Variants in FGA observed in about 807,000 individuals in gnomAD.
The protein encoded by FGA is fibrinogen alpha chain, also known as fibrinogen, A alpha polypeptide.
FGA carries 20 observed loss-of-function variants against 20.3 expected under a neutral mutation model. That is an observed-to-expected ratio of 0.99 (90% CI 0.69 to 1.43). The LOEUF is 1.43. Among genes scored for constraint, FGA ranks in the 40% most tolerant of loss-of-function variants. The pLI, the probability that FGA is intolerant of heterozygous loss-of-function variation, is 0.00. For synonymous variants in FGA, 306 were observed against 281.6 expected (o/e 1.09, Z -0.87); for missense variants, 777 against 784.7 (o/e 0.99, Z 0.12).
intron 1 of FGA, 31 bp from the exon 2 acceptor site, chr4:154,589,593 G>C (rs772066082): frequency 1.2e-6 from 2 of 1,609,136 alleles, no homozygotes; most frequent in Non-Finnish European, 1.7e-6. Context: ...ACACAAAAGA[G>C]AGCAACAGCA....
In FGA at chr4:154,586,666, G is replaced by A; in HGVS notation, c.763C>T (p.Pro255Ser). Residue 255 changes from proline (P) to serine (S), a missense_variant, in exon 5 of 5, where the codon CCG becomes TCG. Transcript: ENST00000403106. ...CTCTCTAACTCCATTCTCATCTGCG[G>A]CATGTCTGTTAATGCCTTCCACTCT... ...PPEWKALTDM[P>S]QMRMELERPG... 1 of 1,614,204 alleles carries A rather than the reference G, an allele frequency of 6.2e-7. No individual in the cohort carries two copies. The highest frequency in any genetic ancestry group is 1.3e-5 in the African/African-American group (1 of 75,046).
At chr4:154,586,982 A>G (rs975007431) in intron 4 of FGA, 64 bp from the exon 5 acceptor site, 265 of 1,492,380 alleles carry the variant, frequency 1.8e-4, no homozygotes, top group Middle Eastern at 1.2e-3. Flanking sequence ...ACGTCTATTG[A>G]GTTCCTGGTA....
rs756998245 is a variant in FGA at position 154,586,539 on chromosome 4, G to C, written c.890C>G (p.Ser297Cys). The C allele has an allele frequency of 6.2e-7, 1 of 1,614,156 alleles. No individual in the cohort carries two copies. Among genetic ancestry groups the C allele is most frequent in the Non-Finnish European group, 8.5e-7 (1 of 1,180,018 alleles). The change falls in exon 5 of 5, where the codon TCT becomes TGT. Residue 297 changes from serine (S) to cysteine (C), a missense_variant. Coordinates refer to ENST00000403106, the MANE Select transcript of FGA (RefSeq NM_021871.4). ...AGTACTTCCAGGTCCAGAGCTCCCA[G>C]AGTTCCAGCTTCCAGCACTGCTAGG... ...RNPSSAGSWN[S>C]GSSGPGSTGN...
chr4:154,587,623 A>C lies in FGA; in HGVS notation c.399T>G (p.Asp133Glu). 1 of 1,613,898 alleles carries C rather than the reference A, an allele frequency of 6.2e-7. No homozygotes were observed. ...RDNTYNRVSE[D>E]LRSRIEVLKR... ...TCAGGACTTCAATTCTGCTTCTCAG[A>C]TCCTCTGACACTCGGTTGTAGGTAT... is the stretch of plus-strand genomic sequence containing the variant. Residue 133 changes from aspartate to glutamate, a missense_variant, in exon 4 of 5, where the codon GAT (aspartate) becomes GAG (glutamate). Transcript: ENST00000403106.
chr4:154,587,308 A>G (rs763778841), intron 4 of FGA, among the ~76,000 whole-genome samples: 8 of 152,148 alleles, frequency 5.3e-5, no homozygotes, highest in Non-Finnish European at 7.4e-5. Flanking sequence ...GAAATTTACT[A>G]TCTATGTACC....
intron 3 of FGA, among the ~76,000 whole-genome samples, chr4:154,588,374 T>G (rs1049522493): frequency 6.6e-6 from 1 of 152,196 alleles, no homozygotes; most frequent in East Asian, 1.9e-4. Flanking sequence ...TTTAAAAATC[T>G]ACCTAATCAG....
chr4:154,584,380 T>C (rs762189767), downstream of FGA: 3 of 1,614,122 alleles, frequency 1.9e-6, no homozygotes, highest in East Asian at 2.2e-5. Flanking sequence ...GAACTGCATG[T>C]TGTTGTGAGA....
At chr4:154,584,925 T>C (rs1174523605), downstream of FGA, 1 of 968,916 alleles carries the variant, frequency 1.0e-6, no homozygotes, top group Non-Finnish European at 1.6e-6. Flanking sequence ...CAAATACTGT[T>C]TCTTTCCCTT....
At position 154,586,375 on chromosome 4, in the gene FGA, G is replaced by C; in HGVS notation, c.1054C>G (p.Pro352Ala). 1 of 1,614,042 alleles carries C rather than the reference G, an allele frequency of 6.2e-7. No homozygotes were observed. ...CAGGTTCCGGTACTACCAGGTCTAG[G>C]GCTCCCAGGGTTTTGGTTTCCAGTA... ...GSTGNQNPGSPRPGSTGTWNP... is the reference protein window; with the variant it reads ...GSTGNQNPGSARPGSTGTWNP... Residue 352 changes from proline to alanine, a missense_variant, in exon 5 of 5, where the codon CCT (proline) becomes GCT (alanine). By Grantham distance (27) the Pro-to-Ala change is conservative. Coordinates refer to ENST00000403106, the MANE Select transcript of FGA (RefSeq NM_021871.4).
chr4:154,584,596 C>T, downstream of FGA: 1 of 1,614,140 alleles, frequency 6.2e-7, no homozygotes, highest in Non-Finnish European at 8.5e-7. Context: ...GTAGTCATTG[C>T]CTAGCCAGAA....
chr4:154,584,090 G>GAAGACAGAGTGCTCCCATTCCCACTT, downstream of FGA: 1 of 1,485,082 alleles, frequency 6.7e-7, no homozygotes, highest in Non-Finnish European at 9.2e-7. Context: ...CTCTAGCAAA[G>GAAGACAGAGTGCTCCCATTCCCACTT]AAGACAGAGT....
Position 154,589,049 on chromosome 4 carries a change from C to A in FGA, c.181-73G>T, listed in dbSNP as rs574678098. On this transcript the variant is annotated intron_variant, in intron 2 of 4. Transcript: ENST00000403106. ...CAGAATAATTTTGCATGTTTCCATGCAGCCCCCATTTCTTCCTACCCTATC... is the reference window on the plus strand; with the variant it reads ...CAGAATAATTTTGCATGTTTCCATGAAGCCCCCATTTCTTCCTACCCTATC... 3.0e-5 allele frequency: 40 copies of A among 1,328,016 alleles called. No individual in the cohort carries two copies. The East Asian group carries it at 8.6e-4, about 28-fold the overall frequency. The allele number at this position is 1,328,016 out of a possible 1,614,324, so 82.3% of individuals were successfully genotyped here.
At chr4:154,587,418 C>T in intron 4 of FGA, 94 bp downstream of exon 4, 2 of 1,161,866 alleles carry the variant, frequency 1.7e-6, no homozygotes, top group Non-Finnish European at 2.6e-6. Flanking sequence ...TAACACTTTT[C>T]TCTGCATATA....
chr4:154,587,467 T>C (rs1730754383), intron 4 of FGA, 45 bp downstream of exon 4: 1 of 1,583,492 alleles, frequency 6.3e-7, no homozygotes, highest in Non-Finnish European at 8.7e-7. Context: ...TCCTTTTCCC[T>C]CTACTCAGAA....
At position 154,588,847 on chromosome 4, in the gene FGA, A is replaced by C. The variant is rs1274117556; in HGVS notation, c.310T>G (p.Ser104Ala). The C allele has an allele frequency of 6.2e-7, 1 of 1,612,482 alleles. No homozygotes were observed. Among genetic ancestry groups the C allele is most frequent in the Non-Finnish European group, 8.5e-7 (1 of 1,179,204 alleles). Reference protein sequence around the residue: ...EYQKNNKDSHSLTTNIMEILR... With the variant: ...EYQKNNKDSHALTTNIMEILR... ...ATTTCCATTATATTAGTGGTCAACG[A>C]ATGAGAATCCTTATTGTTCTTCTGA... Residue 104 changes from serine to alanine, a missense_variant, in exon 3 of 5, where the codon TCG (serine) becomes GCG (alanine). By Grantham distance (99) the Ser-to-Ala change is moderately conservative. Transcript: ENST00000403106.
downstream of FGA, chr4:154,584,295 A>G (rs754253752): frequency 6.2e-7 from 1 of 1,614,102 alleles, no homozygotes; most frequent in Middle Eastern, 1.7e-4. Context: ...CTTGGCAGTT[A>G]TTATACCACC....
chr4:154,585,138 G>A (rs546394664), downstream of FGA: 151 of 845,384 alleles, frequency 1.8e-4, no homozygotes, highest in African/African-American at 2.4e-3. Context: ...AACACAACTT[G>A]TATTTAGCCT....
chr4:154,588,924 T>C lies in FGA; in HGVS notation c.233A>G (p.Asn78Ser). The C allele has an allele frequency of 6.2e-7, 1 of 1,613,730 alleles. No homozygotes were observed. The highest frequency in any genetic ancestry group is 8.5e-7 in the Non-Finnish European group (1 of 1,179,750). The change falls in exon 3 of 5, where the codon AAT (asparagine) becomes AGT (serine). Residue 78 changes from asparagine (N) to serine (S), a missense_variant. Transcript: ENST00000403106. ...ATTTATTCTGTTTGTAAAATCTTGA[T>C]TGACTTCATCAATCAACCCTTTCAT... ...CRMKGLIDEVNQDFTNRINKL... is the reference protein window; with the variant it reads ...CRMKGLIDEVSQDFTNRINKL...
In FGA at chr4:154,586,731, A is replaced by C. The variant is rs1730733530; in HGVS notation, c.698T>G (p.Val233Gly). ...AAGCTGGCTCTTAAAATTTCCGGGA[A>C]CCAAGTCTGGAACTGGTTTCATTTT... Reference protein sequence around the residue: ...LIKMKPVPDLVPGNFKSQLQK... With the variant: ...LIKMKPVPDLGPGNFKSQLQK... The change falls in exon 5 of 5, where the codon GTT (valine) becomes GGT (glycine). Residue 233 changes from valine to glycine, a missense_variant. Physicochemically the swap from Val to Gly is moderately radical, Grantham distance 109. Transcript: ENST00000403106. 1 of 1,614,042 alleles carries C rather than the reference A, an allele frequency of 6.2e-7. No homozygotes were observed. The highest frequency in any genetic ancestry group is 8.5e-7 in the Non-Finnish European group (1 of 1,180,026).
Sources: allele counts gnomAD v4.1 joint callset (sites outside exome capture counted in the v4.1 genomes callset), GRCh38; gene constraint gnomAD v4.1.1; transcripts MANE v1.5; gene names NCBI Gene and HGNC (gene_info 2026-07-23, HGNC 2026-07-21).